Variants in WDR62 observed in about 807,000 individuals in gnomAD.
The protein encoded by WDR62 is WD repeat-containing protein 62.
Under a neutral mutation model 160.6 loss-of-function variants are expected in WDR62, and 112 were observed. That is an observed-to-expected ratio of 0.70 (90% confidence interval 0.60 to 0.82). The LOEUF is 0.82. Among genes scored for constraint, WDR62 ranks in the 40% least tolerant of loss-of-function variants. WDR62 has a pLI of 0.00. For missense variants in WDR62, 1,819 were observed against 1,983.8 expected (o/e 0.92, Z 1.58); for synonymous variants, 792 against 815.1 (o/e 0.97, Z 0.48).
chr19:36,066,971 G>A lies in WDR62; in HGVS notation c.562-335G>A, dbSNP rs80109772. ...GGGCTCAGGGCAGGGCCCAGAGCAG[G>A]AGCCCCATCTGTGACAGCCATAGGT... On this transcript the variant is annotated intron_variant, in intron 5 of 31. Coordinates refer to ENST00000401500, the MANE Select transcript of WDR62 (RefSeq NM_001083961.2). 0.079 allele frequency among the ~76,000 whole-genome samples: 11,953 copies of A among 152,242 alleles called. 631 individuals are homozygous for A. The highest frequency in any genetic ancestry group is 0.12 in the Non-Finnish European group (8,088 of 67,992).
chr19:36,103,728 C>T lies in WDR62; in HGVS notation c.3900C>T (p.Thr1300=), dbSNP rs1973546943. 6.2e-7 allele frequency: 1 copy of T among 1,611,352 alleles called. No individual in the cohort carries two copies. Among genetic ancestry groups the T allele is most frequent in the Non-Finnish European group, 8.5e-7 (1 of 1,179,964 alleles). ...AGGCCCGGGCCAACCTGAGACTGAC[C>T]CTGTCAAGTGCCTGTGATGGGCTCC... The part of the protein sequence containing the change: ...NHEARANLRL[T]LSSACDGLLQ... The change falls in exon 30 of 32, where the codon ACC becomes ACT. Residue 1300 remains threonine (T), a synonymous_variant. Coordinates refer to ENST00000401500, the MANE Select transcript of WDR62 (RefSeq NM_001083961.2).
chr19:36,081,893 C>G, intron 10 of WDR62: 1 of 503,184 alleles, frequency 2.0e-6, no homozygotes, highest in Non-Finnish European at 3.9e-6. Flanking sequence ...ATGGAATTCC[C>G]TGGGAGAGCA....
chr19:36,055,702 G>A (rs965168205), intron 1 of WDR62, among the ~76,000 whole-genome samples: 2 of 152,236 alleles, frequency 1.3e-5, no homozygotes, highest in East Asian at 3.8e-4. Flanking sequence ...TCTCTGCAGT[G>A]CTGCCTGGGG....
In WDR62 at chr19:36,083,155, C is replaced by T; in HGVS notation, c.1464C>T (p.Pro488=). Residue 488 remains proline (P), a synonymous_variant, in exon 11 of 32, where the codon CCC becomes CCT. Coordinates refer to ENST00000401500, the MANE Select transcript of WDR62 (RefSeq NM_001083961.2). ...FPDRGSENGT[P]MDVKAGVRVM... Reference sequence around the variant, plus strand: ...ACCGGGGGAGCGAGAATGGGACACCCATGGACGTGAAAGCCGGGGTGCGGG... The same window carrying T: ...ACCGGGGGAGCGAGAATGGGACACCTATGGACGTGAAAGCCGGGGTGCGGG... 1 of 1,613,450 alleles carries T rather than the reference C, an allele frequency of 6.2e-7. No homozygotes were observed. Among genetic ancestry groups the T allele is most frequent in the Non-Finnish European group, 8.5e-7 (1 of 1,179,680 alleles).
Position 36,104,505 on chromosome 19 carries a change from C to T in WDR62, c.4154-13C>T, listed in dbSNP as rs775874258. 1.6e-5 allele frequency: 26 copies of T among 1,613,166 alleles called. No individual in the cohort carries two copies. Among genetic ancestry groups the T allele is most frequent in the Admixed American group, 3.3e-5 (2 of 59,986 alleles). On this transcript the variant is annotated splice_polypyrimidine_tract_variant and intron_variant, in intron 30 of 31. Coordinates refer to ENST00000401500, the MANE Select transcript of WDR62 (RefSeq NM_001083961.2). Reference sequence around the variant, plus strand: ...TGCAGCTCATCTTGCTCATTCCCTTCTCTCTACCCCAGGTGCACTTGGTCT... The same window carrying T: ...TGCAGCTCATCTTGCTCATTCCCTTTTCTCTACCCCAGGTGCACTTGGTCT...
chr19:36,093,048 G>A (rs1037816824), intron 19 of WDR62, among the ~76,000 whole-genome samples: 1 of 152,330 alleles, frequency 6.6e-6, no homozygotes, highest in East Asian at 1.9e-4. Flanking sequence ...TGTTGCCCAG[G>A]CTTGTCTTGA....
chr19:36,070,878 C>G (rs528540236), intron 7 of WDR62: 1 of 153,506 alleles, frequency 6.5e-6, no homozygotes, highest in South Asian at 2.0e-4. Context: ...GGAGTACAGT[C>G]TTTATGAAGT....
At chr19:36,069,553 G>A (rs1202972148) in intron 7 of WDR62, among the ~76,000 whole-genome samples, 1 of 152,212 alleles carries the variant, frequency 6.6e-6, no homozygotes, top group Admixed American at 6.5e-5. Context: ...ACGATGGGCG[G>A]CCAGGCAGAG....
intron 8 of WDR62, among the ~76,000 whole-genome samples, chr19:36,072,066 C>T (rs370407709): frequency 1.3e-5 from 2 of 152,228 alleles, no homozygotes; most frequent in African/African-American, 4.8e-5. Context: ...CAGCCCTGGG[C>T]TGGAAGCAGG....
Position 36,067,339 on chromosome 19 carries a change from T to TTGTTG in WDR62, c.595_596insTGTTG (p.Cys199LeufsTer25). 1 of 1,614,230 alleles carries TTGTTG rather than the reference T, an allele frequency of 6.2e-7. No individual in the cohort carries two copies. The highest frequency in any genetic ancestry group is 1.3e-5 in the African/African-American group (1 of 75,064). On this transcript the variant is annotated frameshift_variant, in exon 6 of 32. Coordinates refer to ENST00000401500, the MANE Select transcript of WDR62 (RefSeq NM_001083961.2). LOFTEE classifies it high-confidence loss of function. ...CGTAGTGGCCTCCAACAAGGTATCT[T>TTGTTG]GTAGAGTCATTGCCCTCTCCTTCTC...
intron 15 of WDR62, 36 bp downstream of exon 15, chr19:36,089,342 C>A: frequency 6.2e-7 from 1 of 1,614,110 alleles, no homozygotes; most frequent in South Asian, 1.1e-5. Flanking sequence ...CTGGCCTGGT[C>A]TGCCTTGTCC....
chr19:36,099,653 G>T, intron 22 of WDR62, 36 bp downstream of exon 22: 1 of 1,608,530 alleles, frequency 6.2e-7, no homozygotes. Flanking sequence ...CCATAGCCCC[G>T]GCACCGTGAC....
At chr19:36,104,396 A>G in intron 30 of WDR62, 122 bp from the exon 31 acceptor site, 2 of 1,265,736 alleles carry the variant, frequency 1.6e-6, no homozygotes, top group Non-Finnish European at 2.2e-6. Flanking sequence ...AAGGGGAGGG[A>G]GCCTTGGGGA....
At chr19:36,102,904 G>A (rs770701196) in intron 27 of WDR62, 44 bp from the exon 28 acceptor site, 2 of 1,614,066 alleles carry the variant, frequency 1.2e-6, no homozygotes, top group East Asian at 2.2e-5. Context: ...AGTGCCCCAG[G>A]GCAGGCTGAA....
chr19:36,063,119 A>ATTTT (rs1235775225), intron 3 of WDR62, among the ~76,000 whole-genome samples: 1 of 151,834 alleles, frequency 6.6e-6, no homozygotes, highest in African/African-American at 2.4e-5. Flanking sequence ...TAATTTTTGT[A>ATTTT]TTTTTAGTAG....
intron 30 of WDR62, 126 bp from the exon 31 acceptor site, chr19:36,104,392 A>G: frequency 8.1e-7 from 1 of 1,229,024 alleles, no homozygotes; most frequent in East Asian, 2.4e-5. Flanking sequence ...AGTGAAGGGG[A>G]GGGAGCCTTG....
intron 15 of WDR62, 59 bp from the exon 16 acceptor site, chr19:36,090,386 G>T: frequency 1.3e-6 from 2 of 1,544,360 alleles, no homozygotes; most frequent in Non-Finnish European, 1.8e-6. Context: ...AAGAGCCAGA[G>T]AATGAGGTGG....
At chr19:36,063,128 A>G (rs1391597232) in intron 3 of WDR62, among the ~76,000 whole-genome samples, 3 of 152,048 alleles carry the variant, frequency 2.0e-5, no homozygotes, top group Non-Finnish European at 4.4e-5. Context: ...TATTTTTAGT[A>G]GAGCTGGGGT....
chr19:36,054,970 C>A lies in WDR62; in HGVS notation c.-2C>A. The A allele has an allele frequency of 6.3e-7, 1 of 1,595,154 alleles. No individual in the cohort carries two copies. Among genetic ancestry groups the A allele is most frequent in the South Asian group, 1.1e-5 (1 of 89,240 alleles). On this transcript the variant is annotated 5_prime_UTR_variant, in exon 1 of 32. Coordinates refer to ENST00000401500, the MANE Select transcript of WDR62 (RefSeq NM_001083961.2). ...TAACGGTCGCCCGCCTCCGGCGTGA[C>A]GATGGCGGCCGTAGGGTCCGGAGGC...
Sources: gnomAD v4.1 joint callset for allele counts (sites outside exome capture counted in the v4.1 genomes callset) on GRCh38, gnomAD v4.1.1 for gene constraint, MANE v1.5 for transcripts, NCBI Gene and HGNC (gene_info 2026-07-23, HGNC 2026-07-21) for gene names.